NBAS: variants seen among roughly 807,000 people sequenced by gnomAD.
NBAS encodes NAG/BC035112 fusion.
Under a neutral mutation model 302.5 loss-of-function variants are expected in NBAS, and 219 were observed. The ratio of observed to expected loss-of-function variants is 0.72; its 90% CI spans 0.65 to 0.81. NBAS has a LOEUF of 0.81. NBAS is among the 30% of genes least tolerant of loss of function. NBAS has a pLI of 0.00. For synonymous variants in NBAS, 1,118 were observed against 1,021.6 expected, an observed-to-expected ratio of 1.09 and a Z score of -1.80; for missense variants, 2,932 against 2,841.6, an observed-to-expected ratio of 1.03 and a Z score of -0.72.
rs567630472 is a variant in NBAS, at chr2:15,240,044, T to C, written c.5725-1358A>G. Among the ~76,000 whole-genome samples the C allele has an allele frequency of 2.8e-4, 43 of 152,334 alleles. No individual in the cohort carries two copies. In the South Asian group the frequency reaches 8.1e-3, roughly 29 times the overall value. ...CACTGATTTGTGCTGCTTTGGATCC[T>C]GGGCTGTAGTCTTCTGTCAGCTACT... On this transcript the variant is annotated intron_variant, in intron 44 of 51. Transcript: ENST00000281513.
chr2:15,280,063 T>C (rs570175929), intron 42 of NBAS, among the ~76,000 whole-genome samples: 15 of 152,182 alleles, frequency 9.9e-5, no homozygotes, highest in Non-Finnish European at 1.9e-4. Context: ...ACATAGTGCA[T>C]ATTTAACTTT....
At chr2:15,496,070 A>ATATATATATATG (rs1681056031) in intron 11 of NBAS, among the ~76,000 whole-genome samples, 5 of 146,410 alleles carry the variant, frequency 3.4e-5, no homozygotes, top group African/African-American at 1.3e-4. Context: ...GTGTGTATAT[A>ATATATATATATG]TATACACACA....
intron 9 of NBAS, among the ~76,000 whole-genome samples, chr2:15,533,136 T>A (rs1190825573): frequency 6.6e-6 from 1 of 152,066 alleles, no homozygotes; most frequent in East Asian, 1.9e-4. Flanking sequence ...CTAACGAGAA[T>A]GTGAAACGAG....
At chr2:15,122,153 T>C in the NBAS span, among the ~76,000 whole-genome samples, 1 of 151,952 alleles carries the variant, frequency 6.6e-6, no homozygotes, top group Admixed American at 6.6e-5. Context: ...TTTTTCTTTT[T>C]TGCATTGTTT....
chr2:14,976,101 T>C, the NBAS span, among the ~76,000 whole-genome samples: 1 of 152,112 alleles, frequency 6.6e-6, no homozygotes, highest in Non-Finnish European at 1.5e-5. Flanking sequence ...GCCCTAGGAA[T>C]AATGGGGGCA....
intron 44 of NBAS, among the ~76,000 whole-genome samples, chr2:15,261,553 C>T (rs1668853638): frequency 6.6e-6 from 1 of 152,156 alleles, no homozygotes; most frequent in African/African-American, 2.4e-5. Flanking sequence ...TTACCTTAAA[C>T]TTAACCCTTT....
intron 11 of NBAS, among the ~76,000 whole-genome samples, chr2:15,503,275 A>AT (rs1661665951): frequency 6.6e-6 from 1 of 152,136 alleles, no homozygotes; most frequent in Admixed American, 6.5e-5. Flanking sequence ...TAAAATAATG[A>AT]TAAAAAGTAC....
chr2:15,175,424 A>AT (rs879794061), intron 51 of NBAS, among the ~76,000 whole-genome samples: 54 of 152,278 alleles, frequency 3.5e-4, no homozygotes, highest in Non-Finnish European at 6.3e-4. Flanking sequence ...CAAAATGGGA[A>AT]TTTTCAGCAT....
intron 42 of NBAS, among the ~76,000 whole-genome samples, chr2:15,286,441 G>T (rs560798608): frequency 6.6e-6 from 1 of 152,162 alleles, no homozygotes; most frequent in South Asian, 2.1e-4. Flanking sequence ...CCCTTGCTAG[G>T]GCCTCCACAA....
In NBAS at chr2:15,343,831, A is replaced by G. The variant is rs190346129; in HGVS notation, c.4179+8161T>C. 8.3e-4 allele frequency among the ~76,000 whole-genome samples: 126 copies of G among 152,092 alleles called. 2 individuals are homozygous for G. In the East Asian group the frequency reaches 0.024, roughly 28 times the overall value. On this transcript the variant is annotated intron_variant, in intron 35 of 51. Transcript: ENST00000281513. ...ATTTCTTAGATATAACAACAAAAGTATAATACATAAAAGAAAATATTAATA... is the reference window on the plus strand; with the variant it reads ...ATTTCTTAGATATAACAACAAAAGTGTAATACATAAAAGAAAATATTAATA...
At chr2:14,932,324 A>G in the NBAS span, among the ~76,000 whole-genome samples, 1 of 152,100 alleles carries the variant, frequency 6.6e-6, no homozygotes, top group Admixed American at 6.5e-5. Flanking sequence ...GACAGATAGA[A>G]GTCCAGAGTC....
the NBAS span, among the ~76,000 whole-genome samples, chr2:15,124,024 T>C: frequency 6.6e-6 from 1 of 152,220 alleles, no homozygotes; most frequent in Non-Finnish European, 1.5e-5. Context: ...TAAGTGATTG[T>C]GAGCAAAATT....
At chr2:14,856,477 GAGAA>G in the NBAS span, among the ~76,000 whole-genome samples, 7,891 of 152,132 alleles carry the variant, frequency 0.052, 677 homozygotes, top group African/African-American at 0.18. Flanking sequence ...ACCAATCCTG[GAGAA>G]AGAGAGACAT....
At chr2:15,357,184 T>C (rs545612738) in intron 32 of NBAS, among the ~76,000 whole-genome samples, 1 of 152,306 alleles carries the variant, frequency 6.6e-6, no homozygotes, top group South Asian at 2.1e-4. Flanking sequence ...TTTGTAATTT[T>C]CCATCTGCCC....
intron 28 of NBAS, among the ~76,000 whole-genome samples, chr2:15,384,242 G>A (rs921195736): frequency 2.6e-5 from 4 of 152,096 alleles, no homozygotes; most frequent in African/African-American, 9.7e-5. Context: ...CAGGGGAAAG[G>A]GTTTTGTTCC....
chr2:15,452,075 T>C (rs1679043142), intron 21 of NBAS, among the ~76,000 whole-genome samples: 2 of 151,842 alleles, frequency 1.3e-5, no homozygotes, highest in African/African-American at 2.4e-5. Context: ...TCAGATTCAT[T>C]GAGATACAAA....
At chr2:15,273,608 T>C (rs1038931898) in intron 44 of NBAS, among the ~76,000 whole-genome samples, 1 of 152,154 alleles carries the variant, frequency 6.6e-6, no homozygotes, top group Non-Finnish European at 1.5e-5. Flanking sequence ...GTAATAATAT[T>C]ATCTCCCTCA....
the NBAS span, among the ~76,000 whole-genome samples, chr2:14,821,178 G>A: frequency 3.9e-5 from 6 of 152,012 alleles, no homozygotes; most frequent in Admixed American, 6.6e-5. Context: ...CGCCCGCCTC[G>A]CCTCCCGAAG....
At chr2:15,063,385 C>G in the NBAS span, among the ~76,000 whole-genome samples, 1,741 of 152,088 alleles carry the variant, frequency 0.011, 36 homozygotes, top group African/African-American at 0.039. Context: ...CTCCTCTGAG[C>G]TCCAAAATCA....
Sources: allele counts gnomAD v4.1 joint callset (sites outside exome capture counted in the v4.1 genomes callset), GRCh38; gene constraint gnomAD v4.1.1; transcripts MANE v1.5; gene names NCBI Gene and HGNC (gene_info 2026-07-23, HGNC 2026-07-21).